Variants in STAM observed in about 807,000 individuals in gnomAD.
STAM encodes signal transducing adapter molecule 1.
In STAM, 16 loss-of-function variants were observed where a neutral mutation model predicts 63.4. That is an observed-to-expected ratio of 0.25 (90% CI 0.17 to 0.38). The LOEUF is 0.38. Ranked by LOEUF, STAM falls within the 10% of genes least tolerant of loss-of-function variation. The probability of loss-of-function intolerance (pLI) is 1.00; values close to 1 mark genes in which losing one functional copy is unlikely to be tolerated. For missense variants in STAM, 636 were observed against 657.1 expected (o/e 0.97, Z 0.35); for synonymous variants, 238 against 223.9 (o/e 1.06, Z -0.56).
intron 2 of STAM, among the ~76,000 whole-genome samples, chr10:17,671,289 C>T (rs148741484): frequency 2.5e-4 from 38 of 152,282 alleles, no homozygotes; most frequent in African/African-American, 7.9e-4. Flanking sequence ...GTTTAAATCA[C>T]TCTAAAATAA....
chr10:17,704,846 A>C (rs921330128), intron 10 of STAM, 124 bp from the exon 11 acceptor site: 4 of 832,196 alleles, frequency 4.8e-6, no homozygotes, highest in Non-Finnish European at 7.4e-6. Context: ...CTAAGGTTAA[A>C]GAATGTATAT....
At chr10:17,664,322 A>T (rs1400662164) in intron 2 of STAM, among the ~76,000 whole-genome samples, 1 of 152,044 alleles carries the variant, frequency 6.6e-6, no homozygotes, top group Non-Finnish European at 1.5e-5. Flanking sequence ...TAAAGTGTTC[A>T]CTTTAGTAGG....
intron 1 of STAM, among the ~76,000 whole-genome samples, chr10:17,655,924 A>C (rs1404730231): frequency 4.0e-5 from 6 of 151,064 alleles, no homozygotes; most frequent in South Asian, 2.1e-4. Flanking sequence ...GATTTTTTTA[A>C]AGTTTTTTTT....
In STAM at chr10:17,672,291, G is replaced by A. The variant is rs577070340; in HGVS notation, c.125+11743G>A. On this transcript the variant is annotated intron_variant, in intron 2 of 13. Transcript: ENST00000377524. ...ATAGTGACATTGTTGAAAACTTACT[G>A]TGGGCCATTCAAAGACATTTGAAAT... 1.2e-4 allele frequency among the ~76,000 whole-genome samples: 19 copies of A among 152,320 alleles called. No individual in the cohort carries two copies. In the South Asian group the frequency reaches 3.9e-3, roughly 32 times the overall value.
chr10:17,658,683 C>T (rs530142857), intron 1 of STAM, among the ~76,000 whole-genome samples: 27 of 152,156 alleles, frequency 1.8e-4, no homozygotes, highest in East Asian at 1.4e-3. Context: ...GGAGAGGTTT[C>T]GTCATGTTGC....
At chr10:17,655,681 A>G (rs1554822055) in intron 1 of STAM, among the ~76,000 whole-genome samples, 1 of 152,158 alleles carries the variant, frequency 6.6e-6, no homozygotes, top group African/African-American at 2.4e-5. Flanking sequence ...CATGGAGGAG[A>G]GTATGGAAAC....
intron 12 of STAM, among the ~76,000 whole-genome samples, chr10:17,707,636 A>C (rs1051593045): frequency 1.8e-4 from 28 of 152,038 alleles, no homozygotes; most frequent in Non-Finnish European, 3.2e-4. Context: ...CTTCATGTTC[A>C]ATTTTCGAAG....
At chr10:17,687,409 C>G (rs528781077) in intron 4 of STAM, among the ~76,000 whole-genome samples, 22 of 152,192 alleles carry the variant, frequency 1.4e-4, no homozygotes, top group South Asian at 2.1e-4. Context: ...CCCCCACCCC[C>G]CTCTGGGAGG....
chr10:17,667,348 C>G (rs1834435211), intron 2 of STAM, among the ~76,000 whole-genome samples: 1 of 151,998 alleles, frequency 6.6e-6, no homozygotes, highest in Non-Finnish European at 1.5e-5. Flanking sequence ...GGCCTTGAAC[C>G]CCTCACCTTG....
chr10:17,705,122 T>C lies in STAM; in HGVS notation c.1055+98T>C, dbSNP rs77935610. 4.3e-3 allele frequency: 4,071 copies of C among 953,256 alleles called. 110 individuals carry two copies. In the African/African-American group the frequency reaches 0.057, roughly 13 times the overall value. 59.0% of individuals were successfully genotyped at this position (953,256 alleles called of 1,614,324 possible). On this transcript the variant is annotated intron_variant, in intron 11 of 13. Coordinates refer to ENST00000377524, the MANE Select transcript of STAM (RefSeq NM_003473.4). ...ATAACTGCCTTTTAAAAAAAAAATA[T>C]TGTGGAGGAACCAACTCTCATTCAC...
intron 1 of STAM, among the ~76,000 whole-genome samples, chr10:17,650,606 C>T (rs190912489): frequency 4.0e-4 from 61 of 152,200 alleles, no homozygotes; most frequent in African/African-American, 1.4e-3. Flanking sequence ...ACCCTGGTAC[C>T]GAATATGCCC....
chr10:17,686,723 T>C (rs1835310444), intron 4 of STAM, among the ~76,000 whole-genome samples: 2 of 152,226 alleles, frequency 1.3e-5, no homozygotes, highest in South Asian at 4.1e-4. Context: ...ACAAATTAAG[T>C]TCATGTATAG....
chr10:17,707,836 T>C (rs1247863638), intron 12 of STAM, among the ~76,000 whole-genome samples: 1 of 151,880 alleles, frequency 6.6e-6, no homozygotes. Context: ...ATTAAAAAAA[T>C]GCATTTTGAA....
At chr10:17,707,341 C>T (rs1252586171) in intron 12 of STAM, among the ~76,000 whole-genome samples, 13 of 151,930 alleles carry the variant, frequency 8.6e-5, no homozygotes, top group Admixed American at 2.0e-4. Flanking sequence ...ACCCGGGAGG[C>T]GGAGGTTGCA....
At chr10:17,677,043 A>G (rs1430202205) in intron 2 of STAM, among the ~76,000 whole-genome samples, 4 of 152,206 alleles carry the variant, frequency 2.6e-5, no homozygotes, top group Middle Eastern at 3.2e-3. Context: ...TTAAGCTAGT[A>G]TGTAAAAAGA....
At chr10:17,693,115 G>C in intron 5 of STAM, 107 bp from the exon 6 acceptor site, 1 of 824,872 alleles carries the variant, frequency 1.2e-6, no homozygotes, top group Non-Finnish European at 1.9e-6. Context: ...TCTTCTTTCA[G>C]AAATCTGTGC....
intron 2 of STAM, among the ~76,000 whole-genome samples, chr10:17,665,874 A>G (rs1172585456): frequency 2.0e-5 from 3 of 152,146 alleles, no homozygotes; most frequent in African/African-American, 7.2e-5. Context: ...CATGATTTCT[A>G]CTGCGCAATT....
chr10:17,697,516 G>A (rs1268809022), intron 8 of STAM, among the ~76,000 whole-genome samples: 7 of 152,292 alleles, frequency 4.6e-5, no homozygotes, highest in African/African-American at 1.7e-4. Context: ...TACAAACCCT[G>A]CTGAGTAGGA....
intron 13 of STAM, among the ~76,000 whole-genome samples, chr10:17,712,904 C>A (rs2131706364): frequency 6.6e-6 from 1 of 152,120 alleles, no homozygotes; most frequent in South Asian, 2.1e-4. Context: ...GTGAGGGGTG[C>A]AGCTGCAGAG....
Sources: gnomAD v4.1 joint callset for allele counts (sites outside exome capture counted in the v4.1 genomes callset) on GRCh38, gnomAD v4.1.1 for gene constraint, MANE v1.5 for transcripts, NCBI Gene and HGNC (gene_info 2026-07-23, HGNC 2026-07-21) for gene names.